The following ADGRB3 variants were observed in gnomAD, a reference collection of about 807,000 sequenced individuals.
ADGRB3 encodes brain-specific angiogenesis inhibitor 3.
In ADGRB3, 37 loss-of-function variants were observed where a neutral mutation model predicts 193.4. The ratio of observed to expected loss-of-function variants is 0.19; its 90% CI spans 0.15 to 0.25. The LOEUF (loss-of-function observed/expected upper bound fraction) is 0.25. ADGRB3 is among the 10% of genes least tolerant of loss of function. The pLI is 1.00. For synonymous variants in ADGRB3, 690 were observed against 644.2 expected, an observed-to-expected ratio of 1.07 and a Z score of -1.08; for missense variants, 1,637 against 1,852.9, an observed-to-expected ratio of 0.88 and a Z score of 2.14.
chr6:68,812,331 C>CTTT (rs11431525), intron 3 of ADGRB3, among the ~76,000 whole-genome samples: 70 of 151,384 alleles, frequency 4.6e-4, no homozygotes, highest in African/African-American at 1.5e-3. Flanking sequence ...TTTAATATAT[C>CTTT]TTTTTTTTTA....
intron 21 of ADGRB3, among the ~76,000 whole-genome samples, chr6:69,325,354 A>C (rs1174257337): frequency 1.3e-5 from 2 of 152,122 alleles, no homozygotes; most frequent in African/African-American, 2.4e-5. Context: ...TCAAGGCCTA[A>C]TGTGTGATGG....
chr6:69,236,567 G>A (rs1264211832), intron 19 of ADGRB3, among the ~76,000 whole-genome samples: 1 of 151,876 alleles, frequency 6.6e-6, no homozygotes, highest in Non-Finnish European at 1.5e-5. Flanking sequence ...TCAAAAATTA[G>A]GCAGCATTTA....
intron 6 of ADGRB3, among the ~76,000 whole-genome samples, chr6:68,946,877 T>C (rs1767788391): frequency 6.6e-6 from 1 of 152,164 alleles, no homozygotes; most frequent in Non-Finnish European, 1.5e-5. Flanking sequence ...TATCAAACAA[T>C]GAAATACTTT....
intron 19 of ADGRB3, among the ~76,000 whole-genome samples, chr6:69,235,625 A>G (rs1158434404): frequency 6.6e-6 from 1 of 152,086 alleles, no homozygotes; most frequent in Non-Finnish European, 1.5e-5. Context: ...TAATACCAAT[A>G]TATTCCAGAA....
chr6:68,812,828 C>A (rs1033747089), intron 3 of ADGRB3, among the ~76,000 whole-genome samples: 2 of 151,732 alleles, frequency 1.3e-5, no homozygotes, highest in Admixed American at 6.6e-5. Context: ...TCCCCTAGCC[C>A]CCCAACCCCC....
At chr6:68,883,956 T>A (rs1280291304) in intron 3 of ADGRB3, among the ~76,000 whole-genome samples, 1 of 152,214 alleles carries the variant, frequency 6.6e-6, no homozygotes, top group African/African-American at 2.4e-5. Context: ...CCAAGGTTGC[T>A]GTCCTGTCAA....
At chr6:69,039,725 T>G (rs1206487466) in intron 13 of ADGRB3, among the ~76,000 whole-genome samples, 2 of 150,980 alleles carry the variant, frequency 1.3e-5, no homozygotes, top group Non-Finnish European at 2.9e-5. Flanking sequence ...TGAGGAAGAT[T>G]ACATAATTGT....
intron 13 of ADGRB3, among the ~76,000 whole-genome samples, chr6:69,041,068 A>G (rs1190077852): frequency 1.3e-5 from 2 of 152,180 alleles, no homozygotes; most frequent in Non-Finnish European, 2.9e-5. Flanking sequence ...TCTCTCGGGC[A>G]CTGTGGTCCT....
At chr6:68,710,905 G>A (rs932334257) in intron 3 of ADGRB3, among the ~76,000 whole-genome samples, 2 of 151,986 alleles carry the variant, frequency 1.3e-5, no homozygotes, top group Non-Finnish European at 2.9e-5. Flanking sequence ...TTTCTTTCTG[G>A]GACCCCTTTT....
At chr6:68,783,371 T>C (rs1009958220) in intron 3 of ADGRB3, among the ~76,000 whole-genome samples, 2 of 148,626 alleles carry the variant, frequency 1.3e-5, no homozygotes, top group Admixed American at 6.8e-5. Flanking sequence ...TACATGTATA[T>C]ATGTAAGTTT....
In ADGRB3 at chr6:68,762,843, T is replaced by C. The variant is rs76045180; in HGVS notation, c.757+123411T>C. Among the ~76,000 whole-genome samples the C allele has an allele frequency of 4.1e-3, 619 of 152,254 alleles. 3 individuals are homozygous for C. The highest frequency in any genetic ancestry group is 7.0e-3 in the Non-Finnish European group (475 of 67,990). ...AAAAACCTGCTAAGTGAATTATTTA[T>C]AATAGCACACGTAACCATCTATTAA... is the stretch of plus-strand genomic sequence containing the variant. On this transcript the variant is annotated intron_variant, in intron 3 of 31. Coordinates refer to ENST00000370598, the MANE Select transcript of ADGRB3 (RefSeq NM_001704.3).
chr6:69,260,743 T>C (rs1766905941), intron 20 of ADGRB3, among the ~76,000 whole-genome samples: 1 of 152,178 alleles, frequency 6.6e-6, no homozygotes, highest in African/African-American at 2.4e-5. Flanking sequence ...ATCCTAGAAT[T>C]ATTATTTATA....
At chr6:69,043,736 T>C (rs537766212) in intron 13 of ADGRB3, among the ~76,000 whole-genome samples, 1 of 152,326 alleles carries the variant, frequency 6.6e-6, no homozygotes, top group East Asian at 1.9e-4. Flanking sequence ...ATAATATTGT[T>C]CTCATGTTAC....
At chr6:69,302,562 C>T (rs141102006) in intron 20 of ADGRB3, among the ~76,000 whole-genome samples, 13 of 151,986 alleles carry the variant, frequency 8.6e-5, no homozygotes, top group African/African-American at 2.6e-4. Flanking sequence ...CCAAACATAA[C>T]GTCTGTAATA....
Position 68,762,071 on chromosome 6 carries a change from C to A in ADGRB3, c.757+122639C>A, listed in dbSNP as rs144263943. 2.8e-4 allele frequency among the ~76,000 whole-genome samples: 42 copies of A among 152,212 alleles called. No individual in the cohort carries two copies. In the East Asian group the frequency reaches 7.5e-3, roughly 27 times the overall value. On this transcript the variant is annotated intron_variant, in intron 3 of 31. Transcript: ENST00000370598. The stretch of plus-strand genomic sequence containing the variant: ...CAGATATCAAAGAGATTTACAATGT[C>A]CCTGAATGGTAAAACTGAATAATTG...
intron 3 of ADGRB3, among the ~76,000 whole-genome samples, chr6:68,891,027 T>C (rs1766062178): frequency 6.6e-6 from 1 of 152,184 alleles, no homozygotes; most frequent in African/African-American, 2.4e-5. Context: ...AAAAGAAGTT[T>C]AGTGGACTTA....
chr6:69,251,259 G>A (rs548469108), intron 20 of ADGRB3, among the ~76,000 whole-genome samples: 41 of 152,100 alleles, frequency 2.7e-4, no homozygotes, highest in African/African-American at 8.9e-4. Context: ...ATTAACTTAC[G>A]TATGTTCTGC....
chr6:68,677,521 C>CTTTTTTTTTTTTTT (rs1002070733), intron 3 of ADGRB3, among the ~76,000 whole-genome samples: 3 of 120,336 alleles, frequency 2.5e-5, no homozygotes, highest in Non-Finnish European at 5.1e-5. Flanking sequence ...TTCTTTTTTT[C>CTTTTTTTTTTTTTT]TTTTTTTTTT....
chr6:68,897,861 GAAAAAAGAAAGA>G (rs1562076806), intron 3 of ADGRB3, among the ~76,000 whole-genome samples: 1 of 135,466 alleles, frequency 7.4e-6, no homozygotes, highest in Admixed American at 7.3e-5. Flanking sequence ...GAAAACAAAA[GAAAAAAGAAAGA>G]AAGAAAGAAA....
Sources: allele counts gnomAD v4.1 joint callset (sites outside exome capture counted in the v4.1 genomes callset), GRCh38; gene constraint gnomAD v4.1.1; transcripts MANE v1.5; gene names NCBI Gene and HGNC (gene_info 2026-07-23, HGNC 2026-07-21).